Variants in ELMO2 observed in about 807,000 individuals in gnomAD.
The protein encoded by ELMO2 is engulfment and cell motility protein 2.
Under a neutral mutation model 96.2 loss-of-function variants are expected in ELMO2, and 37 were observed. The ratio of observed to expected loss-of-function variants is 0.38; its 90% confidence interval spans 0.30 to 0.51. The LOEUF (loss-of-function observed/expected upper bound fraction) is 0.51, where lower values mean the gene tolerates loss of function less well. Ranked by LOEUF, ELMO2 falls within the 20% of genes least tolerant of loss-of-function variation. The pLI is 0.88. For missense variants in ELMO2, 561 were observed against 912.6 expected (o/e 0.61, Z 4.96); for synonymous variants, 315 against 329.4 (o/e 0.96, Z 0.47).
In ELMO2 at chr20:46,368,885, G is replaced by T; in HGVS notation, c.1962+6C>A. 1 of 1,613,960 alleles carries T rather than the reference G, an allele frequency of 6.2e-7. No homozygotes were observed. Among genetic ancestry groups the T allele is most frequent in the Non-Finnish European group, 8.5e-7 (1 of 1,179,842 alleles). On this transcript the variant is annotated splice_donor_region_variant and intron_variant, in intron 21 of 21. Coordinates refer to ENST00000290246, the MANE Select transcript of ELMO2 (RefSeq NM_133171.5). ...CTGTTGTCTAAGGCAGCGCCACACT[G>T]CTCACCTCATATTTATTAGGTGCGA... is the stretch of plus-strand genomic sequence containing the variant.
chr20:46,394,621 C>G (rs761063099), intron 2 of ELMO2, 89 bp from the exon 3 acceptor site: 26 of 953,052 alleles, frequency 2.7e-5, no homozygotes, highest in Non-Finnish European at 4.0e-5. Flanking sequence ...AAGACAGACA[C>G]TGCATAAAGT....
At chr20:46,370,341 TAG>T (rs781104522) in intron 20 of ELMO2, 100 bp downstream of exon 20, 38 of 1,011,800 alleles carry the variant, frequency 3.8e-5, no homozygotes, top group Middle Eastern at 2.0e-4. Flanking sequence ...CATTCAGGAA[TAG>T]AGAGGGGAAG....
In ELMO2 at chr20:46,375,815, A is replaced by G; in HGVS notation, c.808-25T>C. 1 of 1,613,902 alleles carries G rather than the reference A, an allele frequency of 6.2e-7. No individual in the cohort carries two copies. The highest frequency in any genetic ancestry group is 8.5e-7 in the Non-Finnish European group (1 of 1,179,922). On this transcript the variant is annotated intron_variant, in intron 11 of 21. Coordinates refer to ENST00000290246, the MANE Select transcript of ELMO2 (RefSeq NM_133171.5). The surrounding 1 kb of genome is among the most constrained non-coding windows in gnomAD (Gnocchi z 4.6). ...GCTAGAAAAAGCACAGGCAGGGAGC[A>G]GGGGACTGAACTGATCTCTTTTAAT...
Position 46,373,420 on chromosome 20 carries a change from T to A in ELMO2, c.1395A>T (p.Ala465=). 2 of 1,614,234 alleles carry A rather than the reference T, an allele frequency of 1.2e-6. No homozygotes were observed. The highest frequency in any genetic ancestry group is 1.6e-4 in the Middle Eastern group (1 of 6,062). Residue 465 remains alanine (A), a synonymous_variant, in exon 16 of 22, where the codon GCA becomes GCT. Coordinates refer to ENST00000290246, the MANE Select transcript of ELMO2 (RefSeq NM_133171.5). ...LLNKTWKEMR[A]TAEDFNKVMQ... is the part of the protein sequence containing the mutation. ...TGACCTTGTTGAAGTCCTCTGCTGTTGCCCTCATCTCCTTCCAGGTCTTGT... is the reference window on the plus strand; with the variant it reads ...TGACCTTGTTGAAGTCCTCTGCTGTAGCCCTCATCTCCTTCCAGGTCTTGT...
intron 4 of ELMO2, 96 bp downstream of exon 4, chr20:46,393,953 C>G: frequency 1.3e-6 from 2 of 1,542,416 alleles, no homozygotes; most frequent in South Asian, 2.3e-5. Context: ...GAGGACCTGC[C>G]TAACTGGAGA....
At chr20:46,386,394 G>A (rs2060044680) in intron 8 of ELMO2, 119 bp from the exon 9 acceptor site, 1 of 1,365,552 alleles carries the variant, frequency 7.3e-7, no homozygotes. Context: ...CTGTTGCTAG[G>A]TGGATAGTGG....
intron 6 of ELMO2, 135 bp downstream of exon 6, chr20:46,392,958 G>A: frequency 1.3e-6 from 1 of 759,894 alleles, no homozygotes; most frequent in East Asian, 2.7e-5. Context: ...TTATTTTCCT[G>A]TACTATTTCC....
chr20:46,373,592 G>A, intron 15 of ELMO2, 57 bp from the exon 16 acceptor site: 1 of 1,588,858 alleles, frequency 6.3e-7, no homozygotes, highest in Non-Finnish European at 8.6e-7. Flanking sequence ...GGGCCTGGGA[G>A]CTCATGTCTG....
chr20:46,373,599 T>C (rs1290643220), intron 15 of ELMO2, 64 bp from the exon 16 acceptor site: 2 of 1,581,494 alleles, frequency 1.3e-6, no homozygotes, highest in Non-Finnish European at 1.7e-6. Context: ...GGAGCTCATG[T>C]CTGGAAACTT....
Position 46,376,758 on chromosome 20 carries a change from A to G in ELMO2, c.808-968T>C. The G allele has an allele frequency of 6.2e-6, 8 of 1,289,120 alleles. 1 individual carries two copies. In the South Asian group the frequency reaches 8.6e-5, roughly 14 times the overall value. The allele number at this position is 1,289,120 out of a possible 1,614,324, so 79.9% of individuals were successfully genotyped here. A position where few individuals can be genotyped will look rare whatever the true frequency, so the allele number is the denominator to read the frequency against. ...TCTTGCCCAAATGAGGCTCTCCTCC[A>G]TTTTCCACATGTACCACCACTATGT... On this transcript the variant is annotated intron_variant, in intron 11 of 21. Coordinates refer to ENST00000290246, the MANE Select transcript of ELMO2 (RefSeq NM_133171.5).
At chr20:46,395,859 C>T (rs907737568) in intron 2 of ELMO2, among the ~76,000 whole-genome samples, 6 of 152,260 alleles carry the variant, frequency 3.9e-5, no homozygotes, top group Admixed American at 1.3e-4. Flanking sequence ...AGCAGCCCCA[C>T]GAATTAGGCA....
Position 46,375,776 on chromosome 20 carries a change from C to T in ELMO2, c.822G>A (p.Gly274=). Residue 274 remains glycine, a synonymous_variant, in exon 12 of 22, where the codon GGG becomes GGA. Transcript: ENST00000290246. This position sits in a 1 kb window ranked among gnomAD's most constrained non-coding sequence, Gnocchi z 4.6. ...RSIILNHVIR[G]NRPIKTEMAH... ...CCATCTCAGTTTTGATGGGGCGGTT[C>T]CCTCGGATCACATGCTAGAAAAAGC... 2 of 1,614,138 alleles carry T rather than the reference C, an allele frequency of 1.2e-6. No homozygotes were observed. The highest frequency in any genetic ancestry group is 1.7e-6 in the Non-Finnish European group (2 of 1,180,018).
chr20:46,387,443 A>C lies in ELMO2; in HGVS notation c.426-6T>G. The C allele has an allele frequency of 6.2e-7, 1 of 1,607,906 alleles. No homozygotes were observed. The highest frequency in any genetic ancestry group is 8.5e-7 in the Non-Finnish European group (1 of 1,174,526). On this transcript the variant is annotated splice_polypyrimidine_tract_variant and splice_region_variant and intron_variant, in intron 7 of 21. Transcript: ENST00000290246. ...ATGCCAGCATCTCACTGTAGCTGAG[A>C]CACGTGCAACACACACACAAAATAG...
Position 46,375,851 on chromosome 20 carries a change from A to T in ELMO2, c.808-61T>A. On this transcript the variant is annotated intron_variant, in intron 11 of 21. Transcript: ENST00000290246. This position sits in a 1 kb window ranked among gnomAD's most constrained non-coding sequence, Gnocchi z 4.6. ...CTGATCTCTTTTAATGAAGGGCCAC[A>T]TCCATGCTAAGGAAAAGGAATGTAT... The T allele has an allele frequency of 6.2e-7, 1 of 1,602,086 alleles. No homozygotes were observed. The highest frequency in any genetic ancestry group is 1.1e-5 in the South Asian group (1 of 90,378).
chr20:46,385,560 C>T (rs1460735009), intron 9 of ELMO2, among the ~76,000 whole-genome samples: 1 of 152,154 alleles, frequency 6.6e-6, no homozygotes, highest in Non-Finnish European at 1.5e-5. Context: ...TTGCTGATGG[C>T]AGAGACCTAG....
At chr20:46,370,589 G>A (rs2059682753) in intron 19 of ELMO2, 64 bp from the exon 20 acceptor site, 1 of 1,477,572 alleles carries the variant, frequency 6.8e-7, no homozygotes, top group Non-Finnish European at 9.4e-7. Context: ...GCCTACATCA[G>A]TGCTGGAAGG....
intron 6 of ELMO2, among the ~76,000 whole-genome samples, chr20:46,391,986 A>G (rs918453853): frequency 6.6e-6 from 1 of 152,132 alleles, no homozygotes; most frequent in Non-Finnish European, 1.5e-5. Context: ...AGTAGACTCA[A>G]AGTCCTCACT....
intron 11 of ELMO2, among the ~76,000 whole-genome samples, chr20:46,378,876 A>T (rs1311855962): frequency 6.6e-6 from 1 of 152,238 alleles, no homozygotes; most frequent in Non-Finnish European, 1.5e-5. Context: ...AAGATTGGAA[A>T]ATGGCAGACT....
chr20:46,394,008 C>T lies in ELMO2; in HGVS notation c.119+41G>A, dbSNP rs370634157. ...CAAGGTGTAGGAGTGCTCTTTCAGT[C>T]GGAGCTGCCACTGTTGAAAACGAGG... On this transcript the variant is annotated intron_variant, in intron 4 of 21. Coordinates refer to ENST00000290246, the MANE Select transcript of ELMO2 (RefSeq NM_133171.5). 145 of 1,613,154 alleles carry T rather than the reference C, an allele frequency of 9.0e-5. No individual in the cohort carries two copies. In the African/African-American group the frequency reaches 1.4e-3, roughly 16 times the overall value.
Sources: gnomAD v4.1 joint callset for allele counts (sites outside exome capture counted in the v4.1 genomes callset) on GRCh38, gnomAD v4.1.1 for gene constraint, Gnocchi (gnomAD v3.1) non-coding constraint, MANE v1.5 for transcripts, NCBI Gene and HGNC (gene_info 2026-07-23, HGNC 2026-07-21) for gene names.